Variants in CELF2 observed in about 807,000 individuals in gnomAD.
The protein encoded by CELF2 is CUGBP Elav-like family member 2, also known as CUG triplet repeat RNA-binding protein 2.
CELF2 carries 8 observed loss-of-function variants against 62.6 expected under a neutral mutation model. The observed-to-expected ratio is 0.13, with a 90% CI of 0.07 to 0.23. CELF2 has a LOEUF of 0.23. Among genes scored for constraint, CELF2 ranks in the 10% least tolerant of loss-of-function variants. CELF2 has a pLI of 1.00. For missense variants in CELF2, 333 were observed against 671.0 expected, an observed-to-expected ratio of 0.50 and a Z score of 5.56; for synonymous variants, 258 against 250.0, an observed-to-expected ratio of 1.03 and a Z score of -0.30.
the CELF2 span, among the ~76,000 whole-genome samples, chr10:10,472,338 C>T: frequency 2.6e-5 from 4 of 151,636 alleles, no homozygotes; most frequent in Admixed American, 6.6e-5. Flanking sequence ...CAAGTTTACT[C>T]ATACTTTACT....
chr10:10,698,926 G>A, the CELF2 span, among the ~76,000 whole-genome samples: 15 of 151,614 alleles, frequency 9.9e-5, no homozygotes, highest in Admixed American at 9.9e-4. Flanking sequence ...GTGGCTTTAG[G>A]TAAATATATA....
In CELF2 at chr10:11,011,748, T is replaced by C. The variant is rs117336187; in HGVS notation, c.53+6308T>C. On this transcript the variant is annotated intron_variant, in intron 1 of 12. Coordinates refer to the CELF2 transcript ENST00000416382. This position sits in a 1 kb window ranked among gnomAD's most constrained non-coding sequence, Gnocchi z 4.6. Reference sequence around the variant, plus strand: ...TCCTAAAGGCTTTGGGTAGTTCTTTTAAGAGAAAGAAAAAAAATTTCCCCT... The same window carrying C: ...TCCTAAAGGCTTTGGGTAGTTCTTTCAAGAGAAAGAAAAAAAATTTCCCCT... Among the ~76,000 whole-genome samples the C allele has an allele frequency of 0.033, 4,953 of 152,016 alleles. 112 individuals are homozygous for C. Among genetic ancestry groups the C allele is most frequent in the Middle Eastern group, 0.054 (16 of 294 alleles).
chr10:11,009,150 C>T (rs985416143), intron 1 of CELF2, among the ~76,000 whole-genome samples: 7 of 151,816 alleles, frequency 4.6e-5, no homozygotes, highest in Non-Finnish European at 2.9e-5. Context: ...GATTAAAATT[C>T]GTGGCAATTG....
chr10:10,662,620 T>G, the CELF2 span, among the ~76,000 whole-genome samples: 1 of 152,222 alleles, frequency 6.6e-6, no homozygotes, highest in Non-Finnish European at 1.5e-5. Context: ...GTAGTAAAAG[T>G]GACCCCCTTC....
At position 11,166,055 on chromosome 10, in the gene CELF2, C is replaced by T. The variant is rs530713035; in HGVS notation, c.271+373C>T. 1.0e-3 allele frequency among the ~76,000 whole-genome samples: 156 copies of T among 152,350 alleles called. 1 individual carries two copies. The highest frequency in any genetic ancestry group is 1.8e-3 in the Non-Finnish European group (122 of 68,028). ...GTATTTCAGGACCTAACTCTTCCCACCCCTACGTTCCTAGGCTTGCCCATG... is the reference window on the plus strand; with the variant it reads ...GTATTTCAGGACCTAACTCTTCCCATCCCTACGTTCCTAGGCTTGCCCATG... On this transcript the variant is annotated intron_variant, in intron 2 of 12. Transcript: ENST00000633077.
At chr10:10,923,347 T>C (rs1416481996) in intron 2 of CELF2, among the ~76,000 whole-genome samples, 1 of 152,252 alleles carries the variant, frequency 6.6e-6, no homozygotes, top group East Asian at 1.9e-4. Context: ...TATGACTGTC[T>C]TGAAATGTTC....
the CELF2 span, among the ~76,000 whole-genome samples, chr10:10,768,411 C>A: frequency 2.0e-5 from 3 of 151,968 alleles, no homozygotes; most frequent in African/African-American, 7.3e-5. Context: ...TGGAGCCATG[C>A]AGAGTTGGTT....
At position 11,319,268 on chromosome 10, in the gene CELF2, T is replaced by C; in HGVS notation, c.1097-1921T>C. The C allele has an allele frequency of 2.7e-6, 1 of 371,406 alleles. No homozygotes were observed. Among genetic ancestry groups the C allele is most frequent in the South Asian group, 2.0e-5 (1 of 48,996 alleles). 23.0% of individuals were successfully genotyped at this position (371,406 alleles called of 1,614,324 possible). A position where few individuals can be genotyped will look rare whatever the true frequency, so the allele number is the denominator to read the frequency against. On this transcript the variant is annotated intron_variant, in intron 10 of 12. Transcript: ENST00000633077. This position sits in a 1 kb window ranked among gnomAD's most constrained non-coding sequence, Gnocchi z 4.4. ...CAGCGTCCAGCCCTTCCCGAGTTAT[T>C]GTACATACCCCTCTCACCTATCTCA...
chr10:11,077,954 C>A (rs2072603949), intron 1 of CELF2, among the ~76,000 whole-genome samples: 1 of 152,008 alleles, frequency 6.6e-6, no homozygotes, highest in Non-Finnish European at 1.5e-5. Context: ...GCAGCTAAAG[C>A]CCAAAGTAAT....
intron 2 of CELF2, among the ~76,000 whole-genome samples, chr10:11,175,696 A>G (rs183135191): frequency 6.6e-6 from 1 of 152,258 alleles, no homozygotes; most frequent in East Asian, 1.9e-4. Context: ...AGGTTAGGGT[A>G]CCCTTCAAAG....
chr10:10,624,731 C>G, the CELF2 span, among the ~76,000 whole-genome samples: 5,298 of 152,300 alleles, frequency 0.035, 204 homozygotes, highest in African/African-American at 0.098. Context: ...ACTCTATTCA[C>G]ATGTTTCCCT....
chr10:11,188,750 C>T (rs2134353752), intron 2 of CELF2, among the ~76,000 whole-genome samples: 1 of 152,306 alleles, frequency 6.6e-6, no homozygotes, highest in South Asian at 2.1e-4. Flanking sequence ...TCTCAACTCT[C>T]CTTGTAGACT....
intron 1 of CELF2, among the ~76,000 whole-genome samples, chr10:10,913,867 G>A (rs981280124): frequency 6.9e-4 from 84 of 121,616 alleles, no homozygotes; most frequent in Non-Finnish European, 1.1e-3. Context: ...GAGAAGGAAG[G>A]AAGGAAGGAA....
chr10:10,818,816 A>C (rs1376043085), intron 1 of CELF2, among the ~76,000 whole-genome samples: 1 of 152,074 alleles, frequency 6.6e-6, no homozygotes, highest in African/African-American at 2.4e-5. Context: ...AACCTCGAGT[A>C]ATCTGCCTGC....
At chr10:10,504,769 C>A in the CELF2 span, among the ~76,000 whole-genome samples, 223 of 151,728 alleles carry the variant, frequency 1.5e-3, no homozygotes, top group African/African-American at 4.1e-3. Flanking sequence ...ATATGTCATT[C>A]TATATTTCAG....
chr10:11,116,507 G>C lies in CELF2; in HGVS notation c.75-48979G>C, dbSNP rs143665217. Among the ~76,000 whole-genome samples the C allele has an allele frequency of 4.3e-3, 651 of 152,310 alleles. 6 individuals carry two copies. The highest frequency in any genetic ancestry group is 0.015 in the African/African-American group (630 of 41,564). On this transcript the variant is annotated intron_variant, in intron 1 of 12. Transcript: ENST00000633077. ...GAGGCCTGGAGTCTAACCAGAAACT[G>C]ATCAGCAAGGCTTCAGGTCTCAGGT...
the CELF2 span, among the ~76,000 whole-genome samples, chr10:10,493,297 T>C: frequency 1.3e-5 from 2 of 152,258 alleles, no homozygotes; most frequent in Non-Finnish European, 2.9e-5. Context: ...TGGATGGCTA[T>C]GGGCGAATAG....
In CELF2 at chr10:11,331,699, T is replaced by G. The variant is rs1346675263; in HGVS notation, c.*2646T>G. 6.6e-6 allele frequency: 1 copy of G among 152,650 alleles called. No homozygotes were observed. Among genetic ancestry groups the G allele is most frequent in the African/African-American group, 2.4e-5 (1 of 41,462 alleles). The allele number at this position is 152,650 out of a possible 1,614,324, so 9.5% of individuals were successfully genotyped here. A position where few individuals can be genotyped will look rare whatever the true frequency, so the allele number is the denominator to read the frequency against. On this transcript the variant is annotated 3_prime_UTR_variant, in exon 13 of 13. Coordinates refer to ENST00000633077, the MANE Select transcript of CELF2 (RefSeq NM_001326342.2). ...AAATTGTTATTGTTTGTTATTTCTC[T>G]CTGATGTTTTTTGTAAGACATTGTA...
chr10:10,739,729 A>C, the CELF2 span, among the ~76,000 whole-genome samples: 1 of 152,154 alleles, frequency 6.6e-6, no homozygotes, highest in South Asian at 2.1e-4. Context: ...TTTTTGTAAC[A>C]GTTCCTTAGC....
Sources: gnomAD v4.1 joint callset for allele counts (sites outside exome capture counted in the v4.1 genomes callset) on GRCh38, gnomAD v4.1.1 for gene constraint, Gnocchi (gnomAD v3.1) non-coding constraint, MANE v1.5 for transcripts, NCBI Gene and HGNC (gene_info 2026-07-23, HGNC 2026-07-21) for gene names.